Variants in CSMD1 observed in about 807,000 individuals in gnomAD.
CSMD1 encodes CUB and Sushi multiple domains 1, also known as CUB and sushi domain-containing protein 1.
In CSMD1, 213 loss-of-function variants were observed where a neutral mutation model predicts 417.5. That is an observed-to-expected ratio of 0.51 (90% CI 0.46 to 0.57). The LOEUF (loss-of-function observed/expected upper bound fraction) is 0.57. Among genes scored for constraint, CSMD1 ranks in the 20% least tolerant of loss-of-function variants. The pLI is 0.00. For missense variants in CSMD1, 6,923 were observed against 4,529.7 expected, an observed-to-expected ratio of 1.53 and a Z score of -15.17; for synonymous variants, 2,862 against 1,736.8, an observed-to-expected ratio of 1.65 and a Z score of -16.11.
intron 6 of CSMD1, among the ~76,000 whole-genome samples, chr8:3,725,372 G>A (rs9644278): frequency 0.13 from 19,540 of 152,100 alleles, 1,320 homozygotes; most frequent in East Asian, 0.17. Flanking sequence ...CAAAGAACCT[G>A]GATGACCAGG....
chr8:4,920,211 C>G (rs1806342250), intron 1 of CSMD1, among the ~76,000 whole-genome samples: 1 of 152,058 alleles, frequency 6.6e-6, no homozygotes, highest in African/African-American at 2.4e-5. Flanking sequence ...CCAAACAGGA[C>G]AGGATCTTCA....
At chr8:4,006,828 T>C (rs1047213044) in intron 4 of CSMD1, among the ~76,000 whole-genome samples, 12 of 140,808 alleles carry the variant, frequency 8.5e-5, no homozygotes, top group African/African-American at 3.2e-4. Flanking sequence ...TTCCTATTTT[T>C]TTTTTTTTTT....
chr8:4,722,677 A>C (rs1042466298), intron 1 of CSMD1, among the ~76,000 whole-genome samples: 1 of 152,142 alleles, frequency 6.6e-6, no homozygotes, highest in Non-Finnish European at 1.5e-5. Flanking sequence ...CGGAAAAAAA[A>C]AGTTTCTAAT....
At chr8:3,187,846 T>C (rs1359597225) in intron 36 of CSMD1, 23 bp downstream of exon 36, 2 of 1,577,044 alleles carry the variant, frequency 1.3e-6, no homozygotes, top group East Asian at 2.2e-5. Flanking sequence ...GTCACACAGG[T>C]GAGGAAATTG....
chr8:3,111,236 T>C (rs1413680391), intron 42 of CSMD1, among the ~76,000 whole-genome samples: 1 of 152,178 alleles, frequency 6.6e-6, no homozygotes, highest in Non-Finnish European at 1.5e-5. Context: ...AAAAGTTTAG[T>C]AACAAATGAG....
intron 3 of CSMD1, among the ~76,000 whole-genome samples, chr8:4,183,954 G>A (rs542955665): frequency 6.6e-6 from 1 of 152,226 alleles, no homozygotes; most frequent in South Asian, 2.1e-4. Flanking sequence ...AACTGCTCCT[G>A]AGAACACAGA....
chr8:3,899,542 T>C (rs1807588660), intron 5 of CSMD1, among the ~76,000 whole-genome samples: 1 of 152,116 alleles, frequency 6.6e-6, no homozygotes, highest in Admixed American at 6.6e-5. Context: ...GAAAAACATC[T>C]AAGGACATTA....
At chr8:3,005,130 C>G (rs959828173) in intron 52 of CSMD1, among the ~76,000 whole-genome samples, 2 of 152,144 alleles carry the variant, frequency 1.3e-5, no homozygotes, top group Admixed American at 1.3e-4. Flanking sequence ...CAGAGCAAGA[C>G]TCTGTCTCAA....
At chr8:3,599,923 C>A (rs1801281641) in intron 8 of CSMD1, among the ~76,000 whole-genome samples, 1 of 152,174 alleles carries the variant, frequency 6.6e-6, no homozygotes, top group African/African-American at 2.4e-5. Context: ...AACATTTCGG[C>A]ACAGCAGGAC....
rs569282359 is a variant in CSMD1, at chr8:4,746,260, C to T, written c.86-108702G>A. Among the ~76,000 whole-genome samples the T allele has an allele frequency of 3.3e-5, 5 of 152,258 alleles. 1 individual carries two copies. The South Asian group carries it at 8.3e-4, about 25-fold the overall frequency. On this transcript the variant is annotated intron_variant, in intron 1 of 69. Coordinates refer to ENST00000635120, the MANE Select transcript of CSMD1 (RefSeq NM_033225.6). ...CCAACAAATTCCAGCCAGACTAGAT[C>T]TTCTTCTAGGTGACGTACTTAGAGC...
chr8:4,199,082 C>G (rs564686955), intron 3 of CSMD1, among the ~76,000 whole-genome samples: 11 of 152,112 alleles, frequency 7.2e-5, no homozygotes, highest in East Asian at 1.9e-4. Context: ...GGTAGTAGAG[C>G]CAGCGCCCAG....
chr8:3,936,910 A>G (rs890625652), intron 5 of CSMD1, among the ~76,000 whole-genome samples: 2 of 152,196 alleles, frequency 1.3e-5, no homozygotes, highest in Non-Finnish European at 2.9e-5. Context: ...TTCCAATGAT[A>G]TTAAGAATGT....
At chr8:3,557,171 A>G (rs1652152541) in intron 10 of CSMD1, among the ~76,000 whole-genome samples, 1 of 152,220 alleles carries the variant, frequency 6.6e-6, no homozygotes. Context: ...TTCAGAAGAC[A>G]CTTCTATGAA....
chr8:3,926,106 CACACACACACACACACACACACACACTT>C (rs1563218347), intron 5 of CSMD1, among the ~76,000 whole-genome samples: 4 of 51,106 alleles, frequency 7.8e-5, no homozygotes, highest in Admixed American at 5.1e-4. Context: ...CACACACACA[CACACACACACACACACACACACACACTT>C]GTGGTGTGTA....
intron 3 of CSMD1, among the ~76,000 whole-genome samples, chr8:4,298,309 T>C (rs1320717512): frequency 2.6e-5 from 4 of 152,204 alleles, no homozygotes; most frequent in African/African-American, 9.6e-5. Flanking sequence ...CCTTTACTGT[T>C]ATTCTCAGTT....
rs369001928 is a variant in CSMD1 at position 3,142,460 on chromosome 8, C to A, written c.6241+5G>T. On this transcript the variant is annotated splice_donor_5th_base_variant and intron_variant, in intron 41 of 69. Coordinates refer to ENST00000635120, the MANE Select transcript of CSMD1 (RefSeq NM_033225.6). ...TGGGTTTCGGTTCTCGTTGTTGTTC[C>A]ATACCTTGGTAAGCAAGTTTAAATC... is the stretch of plus-strand genomic sequence containing the variant. The A allele has an allele frequency of 7.2e-5, 116 of 1,611,016 alleles. No individual in the cohort carries two copies. The highest frequency in any genetic ancestry group is 9.0e-5 in the Non-Finnish European group (106 of 1,178,190).
intron 5 of CSMD1, among the ~76,000 whole-genome samples, chr8:3,969,611 A>G (rs1413700801): frequency 1.3e-5 from 2 of 152,226 alleles, no homozygotes; most frequent in Non-Finnish European, 2.9e-5. Context: ...ACTTGACATA[A>G]AATTAAATAA....
Position 3,744,306 on chromosome 8 carries a change from C to T in CSMD1, c.931+9624G>A, listed in dbSNP as rs147159942. ...TGAAAAGGCGGATGGGGACACAGCACGGAGAGCATCTACTCTGCCTGTGAT... is the reference window on the plus strand; with the variant it reads ...TGAAAAGGCGGATGGGGACACAGCATGGAGAGCATCTACTCTGCCTGTGAT... On this transcript the variant is annotated intron_variant, in intron 6 of 69. Coordinates refer to ENST00000635120, the MANE Select transcript of CSMD1 (RefSeq NM_033225.6). Among the ~76,000 whole-genome samples, 17 of 152,136 alleles carry T rather than the reference C, an allele frequency of 1.1e-4. No homozygotes were observed. In the East Asian group the frequency reaches 1.7e-3, roughly 16 times the overall value.
At chr8:4,310,682 GAC>G (rs1159507216) in intron 3 of CSMD1, among the ~76,000 whole-genome samples, 2 of 152,060 alleles carry the variant, frequency 1.3e-5, no homozygotes, top group Non-Finnish European at 1.5e-5. Flanking sequence ...GCAAAACAAA[GAC>G]ACAACAACCA....
Sources: allele counts gnomAD v4.1 joint callset (sites outside exome capture counted in the v4.1 genomes callset), GRCh38; gene constraint gnomAD v4.1.1; transcripts MANE v1.5; gene names NCBI Gene and HGNC (gene_info 2026-07-23, HGNC 2026-07-21).